BEND6: variants seen among roughly 807,000 people sequenced by gnomAD.
BEND6 encodes BEN domain containing 6, also known as BEN domain-containing protein 6.
BEND6 carries 24 observed loss-of-function variants against 31.8 expected under a neutral mutation model. The observed-to-expected ratio is 0.75, with a 90% confidence interval of 0.55 to 1.06. The LOEUF is 1.06. BEND6 is among the 50% of genes least tolerant of loss of function. The pLI is 0.00. For synonymous variants in BEND6, 109 were observed against 114.6 expected, an observed-to-expected ratio of 0.95 and a Z score of 0.31; for missense variants, 294 against 327.4, an observed-to-expected ratio of 0.90 and a Z score of 0.79.
chr6:57,004,358 C>G (rs1005578620), intron 3 of BEND6, among the ~76,000 whole-genome samples: 1 of 152,196 alleles, frequency 6.6e-6, no homozygotes, highest in Non-Finnish European at 1.5e-5. Flanking sequence ...GCCAGACTTT[C>G]TTCACCGTGG....
At chr6:57,023,340 C>G (rs1430517458) in intron 6 of BEND6, among the ~76,000 whole-genome samples, 1 of 152,164 alleles carries the variant, frequency 6.6e-6, no homozygotes, top group Non-Finnish European at 1.5e-5. Flanking sequence ...ACTATTATAG[C>G]CTCTTGCTGA....
chr6:57,009,956 G>GA (rs1460726899), intron 3 of BEND6: 1 of 150,452 alleles, frequency 6.6e-6, no homozygotes, highest in African/African-American at 2.4e-5. Context: ...TTGATAAGAG[G>GA]AACTTTCCCT....
At chr6:56,966,325 C>T (rs934030737) in intron 1 of BEND6, among the ~76,000 whole-genome samples, 2 of 152,156 alleles carry the variant, frequency 1.3e-5, no homozygotes, top group African/African-American at 4.8e-5. Context: ...TGGTCTCGAA[C>T]TCCTGACCTA....
intron 1 of BEND6, chr6:56,976,003 C>T: frequency 2.0e-6 from 1 of 497,764 alleles, no homozygotes; most frequent in Non-Finnish European, 4.0e-6. Context: ...TCTTCAGCTT[C>T]AGGTTGGGAC....
chr6:56,976,226 C>T lies in BEND6; in HGVS notation c.-100-5485C>T, dbSNP rs569679572. ...TTTTTTTTTTTTTGAGATACAGTCT[C>T]GCTCTGTCACCCAGGCTGGAGTGCA... On this transcript the variant is annotated intron_variant, in intron 1 of 6. Coordinates refer to ENST00000370746, the MANE Select transcript of BEND6 (RefSeq NM_152731.3). Among the ~76,000 whole-genome samples, 5 of 147,516 alleles carry T rather than the reference C, an allele frequency of 3.4e-5. No individual in the cohort carries two copies. In the South Asian group the frequency reaches 1.1e-3, roughly 32 times the overall value.
At chr6:57,015,523 A>C (rs1827521161) in intron 4 of BEND6, among the ~76,000 whole-genome samples, 170 bp downstream of exon 4, 1 of 151,940 alleles carries the variant, frequency 6.6e-6, no homozygotes, top group Admixed American at 6.6e-5. Flanking sequence ...TAAGGTGGCC[A>C]GGTGTGGTGG....
chr6:56,971,130 AT>A (rs1202922986), intron 1 of BEND6, among the ~76,000 whole-genome samples: 3 of 152,132 alleles, frequency 2.0e-5, no homozygotes, highest in Non-Finnish European at 4.4e-5. Flanking sequence ...AATAGTTCCT[AT>A]TCCCTCACTT....
At chr6:56,989,344 A>G (rs1425112073) in intron 2 of BEND6, among the ~76,000 whole-genome samples, 1 of 152,120 alleles carries the variant, frequency 6.6e-6, no homozygotes, top group Non-Finnish European at 1.5e-5. Flanking sequence ...ACTTGTAACT[A>G]ACACAACTCA....
chr6:57,013,321 G>C (rs1449553495), intron 3 of BEND6, among the ~76,000 whole-genome samples: 1 of 152,170 alleles, frequency 6.6e-6, no homozygotes, highest in Non-Finnish European at 1.5e-5. Context: ...GGCAGAGTCT[G>C]GGAGGTTTCC....
intron 5 of BEND6, among the ~76,000 whole-genome samples, chr6:57,017,979 A>C (rs1467985403): frequency 6.6e-6 from 1 of 152,232 alleles, no homozygotes; most frequent in Non-Finnish European, 1.5e-5. Flanking sequence ...ACATGCTGTT[A>C]GACTGACTTT....
At chr6:56,992,330 T>C (rs760924477) in intron 2 of BEND6, 48 bp from the exon 3 acceptor site, 20 of 1,538,836 alleles carry the variant, frequency 1.3e-5, no homozygotes, top group Non-Finnish European at 1.7e-5. Flanking sequence ...AGATAAACCA[T>C]TAAAGATGCT....
intron 3 of BEND6, among the ~76,000 whole-genome samples, 157 bp from the exon 4 acceptor site, chr6:57,014,976 G>A (rs535667506): frequency 6.6e-6 from 1 of 152,124 alleles, no homozygotes; most frequent in East Asian, 1.9e-4. Flanking sequence ...AAGTAAATAT[G>A]TTCCAAACAC....
chr6:56,961,669 A>G (rs1228580998), intron 1 of BEND6, among the ~76,000 whole-genome samples: 1 of 152,234 alleles, frequency 6.6e-6, no homozygotes, highest in Non-Finnish European at 1.5e-5. Flanking sequence ...AAAAATTGCT[A>G]TAGTCTTAAG....
rs146453582 is a variant in BEND6 at position 57,012,966 on chromosome 6, C to CT, written c.299-2165dup. Among the ~76,000 whole-genome samples the CT allele has an allele frequency of 4.6e-3, 701 of 152,306 alleles. 6 individuals are homozygous for CT. The highest frequency in any genetic ancestry group is 0.016 in the African/African-American group (673 of 41,576). On this transcript the variant is annotated intron_variant, in intron 3 of 6. Transcript: ENST00000370746. ...TACGGCAATTTAATCCCTGCTCAGCCTTAAGTTGTCAGATGAATCTTGACT... is the reference window on the plus strand; with the variant it reads ...TACGGCAATTTAATCCCTGCTCAGCCTTTAAGTTGTCAGATGAATCTTGACT...
intron 6 of BEND6, among the ~76,000 whole-genome samples, chr6:57,023,736 G>T (rs1593035635): frequency 6.6e-6 from 1 of 152,270 alleles, no homozygotes; most frequent in East Asian, 1.9e-4. Context: ...CTTCTGAGTA[G>T]CTAGGACTAT....
chr6:56,969,308 TA>T (rs1825605692), intron 1 of BEND6, among the ~76,000 whole-genome samples: 1 of 152,138 alleles, frequency 6.6e-6, no homozygotes, highest in African/African-American at 2.4e-5. Context: ...AGAACATATA[TA>T]ACTAAAAATA....
intron 1 of BEND6, among the ~76,000 whole-genome samples, chr6:56,957,447 G>A (rs1480975465): frequency 6.6e-6 from 1 of 152,114 alleles, no homozygotes; most frequent in East Asian, 1.9e-4. Flanking sequence ...AGCATACATA[G>A]TATTAATTGC....
At chr6:56,968,312 C>CTTTTTTTTTTT (rs779756084) in intron 1 of BEND6, among the ~76,000 whole-genome samples, 9 of 65,980 alleles carry the variant, frequency 1.4e-4, no homozygotes, top group African/African-American at 4.0e-4. Context: ...TCTTTCTTTT[C>CTTTTTTTTTTT]TTTTTTTTTT....
At chr6:57,001,312 C>T (rs1050283578) in intron 3 of BEND6, among the ~76,000 whole-genome samples, 1 of 152,060 alleles carries the variant, frequency 6.6e-6, no homozygotes, top group African/African-American at 2.4e-5. Context: ...TACAAGCATG[C>T]ACCACAATGC....
Sources: allele counts gnomAD v4.1 joint callset (sites outside exome capture counted in the v4.1 genomes callset), GRCh38; gene constraint gnomAD v4.1.1; transcripts MANE v1.5; gene names NCBI Gene and HGNC (gene_info 2026-07-23, HGNC 2026-07-21).